The following PDS5B variants were observed in gnomAD, a reference collection of about 807,000 sequenced individuals.
The protein encoded by PDS5B is PDS5 cohesin associated factor B.
Under a neutral mutation model 184.1 loss-of-function variants are expected in PDS5B, and 51 were observed. The observed-to-expected ratio is 0.28, with a 90% confidence interval of 0.22 to 0.35. The LOEUF is 0.35. PDS5B is among the 10% of genes least tolerant of loss of function. The pLI is 1.00. For missense variants in PDS5B, 1,180 were observed against 1,723.3 expected (o/e 0.68, Z 5.58); for synonymous variants, 566 against 569.2 (o/e 0.99, Z 0.08).
At chr13:32,703,528 G>A (rs1342193508) in intron 17 of PDS5B, among the ~76,000 whole-genome samples, 3 of 152,110 alleles carry the variant, frequency 2.0e-5, no homozygotes, top group Non-Finnish European at 4.4e-5. Context: ...TTTCTCCAAG[G>A]ATAGGAACTA....
In PDS5B at chr13:32,776,114, T is replaced by G. The variant is rs1396596027; in HGVS notation, c.*1062T>G. The G allele has an allele frequency of 1.3e-5, 2 of 153,850 alleles. No homozygotes were observed. Among genetic ancestry groups the G allele is most frequent in the African/African-American group, 4.8e-5 (2 of 41,462 alleles). The allele number at this position is 153,850 out of a possible 1,614,324, so 9.5% of individuals were successfully genotyped here. The stretch of plus-strand genomic sequence containing the variant: ...AAGCTGTTCTTGAAAGCCAAGTGTT[T>G]TGTATTTTATAGTGAGTTGCATGTT... On this transcript the variant is annotated 3_prime_UTR_variant, in exon 35 of 35. Coordinates refer to ENST00000315596, the MANE Select transcript of PDS5B (RefSeq NM_015032.4).
intron 1 of PDS5B, among the ~76,000 whole-genome samples, chr13:32,599,685 C>T (rs917000481): frequency 6.6e-5 from 10 of 151,740 alleles, no homozygotes; most frequent in East Asian, 2.0e-4. Context: ...GAGGCCAAGG[C>T]GGATGGATCA....
intron 21 of PDS5B, among the ~76,000 whole-genome samples, chr13:32,739,166 C>CT (rs919770660): frequency 5.1e-4 from 75 of 145,668 alleles, no homozygotes; most frequent in African/African-American, 1.0e-3. Context: ...AATTGATTTA[C>CT]TTTTTTTTTT....
At chr13:32,759,968 C>T (rs1025940740) in intron 29 of PDS5B, among the ~76,000 whole-genome samples, 3 of 147,844 alleles carry the variant, frequency 2.0e-5, no homozygotes, top group East Asian at 2.0e-4. Flanking sequence ...TCTTAAAAGG[C>T]TTTTTTTTTT....
chr13:32,693,951 A>G (rs1951626902), intron 13 of PDS5B, among the ~76,000 whole-genome samples: 1 of 151,666 alleles, frequency 6.6e-6, no homozygotes. Context: ...ACAACACCTT[A>G]CGCTGTCAGT....
At chr13:32,742,561 G>A (rs1953596376) in intron 22 of PDS5B, 30 bp from the exon 23 acceptor site, 3 of 1,577,618 alleles carry the variant, frequency 1.9e-6, no homozygotes, top group Non-Finnish European at 2.6e-6. Context: ...ATGTACCAGT[G>A]TTTTATTTGT....
chr13:32,764,751 G>A (rs1954530488), intron 31 of PDS5B, among the ~76,000 whole-genome samples, 157 bp downstream of exon 31: 1 of 152,048 alleles, frequency 6.6e-6, no homozygotes, highest in African/African-American at 2.4e-5. Flanking sequence ...TATCCTCTAT[G>A]TAATTTAAGT....
rs1953521869 is a variant in PDS5B, at chr13:32,740,979, A to G, written c.2407-101A>G. On this transcript the variant is annotated intron_variant, in intron 21 of 34. Transcript: ENST00000315596. ...AGTCATATATAACAAATGTCACTGC[A>G]GAAGGTACAGATTTCATTCATTTTC... The G allele has an allele frequency of 1.4e-5, 10 of 699,980 alleles. No homozygotes were observed. The South Asian group carries it at 1.8e-4, about 12-fold the overall frequency. 43.4% of individuals were successfully genotyped at this position (699,980 alleles called of 1,614,324 possible).
chr13:32,689,750 C>T (rs144652556), intron 13 of PDS5B: 1 of 152,124 alleles, frequency 6.6e-6, no homozygotes, highest in African/African-American at 2.4e-5. Flanking sequence ...ACTTTTATTA[C>T]TTGTAAACTT....
In PDS5B at chr13:32,673,373, A is replaced by C; in HGVS notation, c.846+17A>C. ...AAATTAAAGGTAACTTGTAAAAATA[A>C]TATGATTCTACCAACCAAGTTATTA... is the stretch of plus-strand genomic sequence containing the variant. On this transcript the variant is annotated intron_variant, in intron 8 of 34. Transcript: ENST00000315596. 6.3e-7 allele frequency: 1 copy of C among 1,597,204 alleles called. No homozygotes were observed. The highest frequency in any genetic ancestry group is 8.5e-7 in the Non-Finnish European group (1 of 1,170,624).
At chr13:32,647,398 G>A (rs1344416948) in intron 1 of PDS5B, among the ~76,000 whole-genome samples, 2 of 152,076 alleles carry the variant, frequency 1.3e-5, no homozygotes, top group Non-Finnish European at 2.9e-5. Flanking sequence ...AGCCTCCCGA[G>A]TATCTGGGAC....
At chr13:32,720,296 A>G (rs1213668542) in intron 19 of PDS5B, among the ~76,000 whole-genome samples, 1 of 152,214 alleles carries the variant, frequency 6.6e-6, no homozygotes, top group African/African-American at 2.4e-5. Context: ...CATTCCAACA[A>G]TGCTGTCTTG....
chr13:32,626,783 A>G (rs1255147826), intron 1 of PDS5B, among the ~76,000 whole-genome samples: 2 of 152,246 alleles, frequency 1.3e-5, no homozygotes, highest in Admixed American at 1.3e-4. Context: ...CCAAAATAGA[A>G]TACATAACAG....
intron 13 of PDS5B, among the ~76,000 whole-genome samples, chr13:32,692,831 T>C (rs1417127195): frequency 6.6e-6 from 1 of 152,064 alleles, no homozygotes; most frequent in East Asian, 1.9e-4. Flanking sequence ...TACAATTTTA[T>C]TAAAATACTT....
intron 3 of PDS5B, among the ~76,000 whole-genome samples, chr13:32,655,255 G>A (rs1950472843): frequency 6.8e-6 from 1 of 147,946 alleles, no homozygotes; most frequent in Non-Finnish European, 1.5e-5. Flanking sequence ...TCTTGTTGTG[G>A]TTTTGATTTG....
chr13:32,695,136 T>C (rs1951665769), intron 14 of PDS5B, among the ~76,000 whole-genome samples: 1 of 151,724 alleles, frequency 6.6e-6, no homozygotes, highest in Admixed American at 6.6e-5. Context: ...ATTTGAGTGG[T>C]TTATAGTGAC....
At chr13:32,734,506 G>T (rs1953249197) in intron 20 of PDS5B, among the ~76,000 whole-genome samples, 1 of 152,120 alleles carries the variant, frequency 6.6e-6, no homozygotes, top group Non-Finnish European at 1.5e-5. Context: ...CCAAATTCAA[G>T]TGACTAGATG....
intron 24 of PDS5B, among the ~76,000 whole-genome samples, chr13:32,748,902 T>C (rs1262040435): frequency 2.0e-5 from 3 of 152,178 alleles, no homozygotes; most frequent in African/African-American, 7.2e-5. Context: ...ATTATATAAT[T>C]TTTATTCTTA....
chr13:32,640,347 A>G (rs542952171), intron 1 of PDS5B, among the ~76,000 whole-genome samples: 47 of 152,286 alleles, frequency 3.1e-4, no homozygotes, highest in African/African-American at 1.1e-3. Context: ...CCCAGGTTCA[A>G]GTGATTCTCT....
Sources: gnomAD v4.1 joint callset for allele counts (sites outside exome capture counted in the v4.1 genomes callset) on GRCh38, gnomAD v4.1.1 for gene constraint, MANE v1.5 for transcripts, NCBI Gene and HGNC (gene_info 2026-07-23, HGNC 2026-07-21) for gene names.